The following EIF4G3 variants were observed in gnomAD, a reference collection of about 807,000 sequenced individuals.
The protein encoded by EIF4G3 is eIF-4-gamma 3.
A neutral mutation model predicts 186.4 loss-of-function variants in EIF4G3; 34 were observed. The ratio of observed to expected loss-of-function variants is 0.18; its 90% CI spans 0.14 to 0.24. The LOEUF (loss-of-function observed/expected upper bound fraction) is 0.24. Ranked by LOEUF, EIF4G3 falls within the 10% of genes least tolerant of loss-of-function variation. EIF4G3 has a pLI of 1.00. For missense variants in EIF4G3, 1,536 were observed against 1,948.5 expected (o/e 0.79, Z 3.99); for synonymous variants, 673 against 679.5 (o/e 0.99, Z 0.15).
chr1:20,991,082 T>G (rs1183322610), intron 7 of EIF4G3, among the ~76,000 whole-genome samples: 4 of 152,160 alleles, frequency 2.6e-5, no homozygotes, highest in Non-Finnish European at 5.9e-5. Context: ...ATCACTCAGG[T>G]GTCAATTTGA....
intron 2 of EIF4G3, among the ~76,000 whole-genome samples, chr1:21,145,713 G>A (rs988270007): frequency 6.6e-6 from 1 of 151,982 alleles, no homozygotes; most frequent in Non-Finnish European, 1.5e-5. Context: ...TCAATGTTAG[G>A]AATAAAATTT....
At chr1:20,938,985 T>C (rs1011531334) in intron 14 of EIF4G3, among the ~76,000 whole-genome samples, 5 of 152,040 alleles carry the variant, frequency 3.3e-5, no homozygotes, top group African/African-American at 1.2e-4. Flanking sequence ...CACACGCCTA[T>C]AATCCCAGCT....
At chr1:21,044,172 T>A (rs1245513643) in intron 4 of EIF4G3, among the ~76,000 whole-genome samples, 5 of 152,146 alleles carry the variant, frequency 3.3e-5, no homozygotes, top group African/African-American at 7.2e-5. Flanking sequence ...TGGTGACAAA[T>A]CCTCCATTTG....
intron 2 of EIF4G3, among the ~76,000 whole-genome samples, chr1:21,171,252 A>G (rs543512763): frequency 6.6e-6 from 1 of 152,348 alleles, no homozygotes; most frequent in Non-Finnish European, 1.5e-5. Flanking sequence ...TTCCTATTAT[A>G]TTAGCTCAAA....
At chr1:21,071,208 C>G (rs1262238089) in intron 3 of EIF4G3, among the ~76,000 whole-genome samples, 1 of 152,248 alleles carries the variant, frequency 6.6e-6, no homozygotes, top group South Asian at 2.1e-4. Flanking sequence ...AGTTCTAGAC[C>G]AGCCTGGGCA....
chr1:21,168,075 T>C (rs1483048245), intron 2 of EIF4G3: 10 of 470,134 alleles, frequency 2.1e-5, no homozygotes, highest in Non-Finnish European at 4.4e-5. Flanking sequence ...AAAGTTCACT[T>C]ATATTTCAAG....
chr1:20,884,749 G>C (rs771300071), intron 19 of EIF4G3, among the ~76,000 whole-genome samples: 1 of 152,186 alleles, frequency 6.6e-6, no homozygotes, highest in Non-Finnish European at 1.5e-5. Flanking sequence ...AGCATGGCTA[G>C]TTGTTGGATT....
intron 3 of EIF4G3, among the ~76,000 whole-genome samples, chr1:21,053,692 A>G (rs76911600): frequency 0.041 from 3,917 of 95,038 alleles, 88 homozygotes; most frequent in Middle Eastern, 0.055. Context: ...CCCTCTGCCC[A>G]GCCAGCCGCC....
chr1:20,902,019 C>T (rs1429191511), intron 15 of EIF4G3, among the ~76,000 whole-genome samples: 1 of 151,522 alleles, frequency 6.6e-6, no homozygotes, highest in Non-Finnish European at 1.5e-5. Context: ...CTTTGCCAAG[C>T]AATTTTAATA....
chr1:20,874,642 G>A (rs12748922), intron 20 of EIF4G3, among the ~76,000 whole-genome samples: 4,254 of 152,102 alleles, frequency 0.028, 92 homozygotes, highest in Middle Eastern at 0.051. Flanking sequence ...ACTCCAAACA[G>A]ATACTCCTAG....
At chr1:20,994,040 C>T (rs1185528779) in intron 7 of EIF4G3, among the ~76,000 whole-genome samples, 1 of 152,158 alleles carries the variant, frequency 6.6e-6, no homozygotes, top group East Asian at 1.9e-4. Context: ...GCTGTCATTT[C>T]CATGGAGGGT....
chr1:20,969,441 T>A (rs766778169), intron 12 of EIF4G3, 33 bp downstream of exon 12: 2 of 1,611,942 alleles, frequency 1.2e-6, no homozygotes, highest in East Asian at 4.5e-5. Context: ...AGTGAACAAA[T>A]AGTGCCATCC....
At chr1:21,057,988 A>G (rs1219506512) in intron 3 of EIF4G3, among the ~76,000 whole-genome samples, 1 of 152,216 alleles carries the variant, frequency 6.6e-6, no homozygotes, top group African/African-American at 2.4e-5. Context: ...TAGACCATAA[A>G]GATCATGCAA....
At chr1:21,166,412 A>C (rs1044402619) in intron 2 of EIF4G3, among the ~76,000 whole-genome samples, 10 of 152,124 alleles carry the variant, frequency 6.6e-5, no homozygotes, top group Non-Finnish European at 1.3e-4. Flanking sequence ...CCTGAAAGAC[A>C]CAGCCAGACC....
chr1:20,905,051 C>A, intron 14 of EIF4G3, 80 bp from the exon 15 acceptor site: 1 of 1,035,054 alleles, frequency 9.7e-7, no homozygotes, highest in Non-Finnish European at 1.4e-6. Flanking sequence ...TACCTATATT[C>A]AAATTAAGCA....
chr1:21,005,327 T>C (rs1284614474), intron 4 of EIF4G3, among the ~76,000 whole-genome samples: 2 of 152,192 alleles, frequency 1.3e-5, no homozygotes, highest in African/African-American at 2.4e-5. Flanking sequence ...AATGAGGCTC[T>C]TTGATCTTAG....
intron 3 of EIF4G3, 23 bp downstream of exon 3, chr1:21,089,115 T>A: frequency 1.4e-6 from 1 of 714,340 alleles, no homozygotes; most frequent in Non-Finnish European, 2.6e-6. Context: ...ACACACACAA[T>A]TTGACAACCT....
intron 27 of EIF4G3, among the ~76,000 whole-genome samples, chr1:20,852,645 G>A (rs533165834): frequency 6.6e-5 from 10 of 152,230 alleles, no homozygotes; most frequent in Non-Finnish European, 1.0e-4. Flanking sequence ...CAAATTAAAA[G>A]GGAAAAGGAG....
intron 2 of EIF4G3, among the ~76,000 whole-genome samples, chr1:21,132,922 A>G (rs2097179451): frequency 6.6e-6 from 1 of 151,988 alleles, no homozygotes; most frequent in Non-Finnish European, 1.5e-5. Context: ...ATCTAAAATT[A>G]CAGGTGTGCA....
Sources: gnomAD v4.1 joint callset for allele counts (sites outside exome capture counted in the v4.1 genomes callset) on GRCh38, gnomAD v4.1.1 for gene constraint, MANE v1.5 for transcripts, NCBI Gene and HGNC (gene_info 2026-07-23, HGNC 2026-07-21) for gene names.